The following SLC4A10 variants were observed in gnomAD, a reference collection of about 807,000 sequenced individuals.
The protein encoded by SLC4A10 is solute carrier family 4 member 10, also known as sodium-driven chloride bicarbonate exchanger.
Under a neutral mutation model 137.7 loss-of-function variants are expected in SLC4A10, and 42 were observed. That is an observed-to-expected ratio of 0.30 (90% confidence interval 0.24 to 0.39). The LOEUF (loss-of-function observed/expected upper bound fraction) is 0.39, where lower values mean the gene tolerates loss of function less well. SLC4A10 is among the 10% of genes least tolerant of loss of function. The pLI, the probability that SLC4A10 is intolerant of heterozygous loss-of-function variation, is 1.00. For missense variants in SLC4A10, 925 were observed against 1,355.0 expected (o/e 0.68, Z 4.98); for synonymous variants, 474 against 464.1 (o/e 1.02, Z -0.27).
chr2:161,937,971 A>T (rs990230902), intron 15 of SLC4A10, among the ~76,000 whole-genome samples: 1 of 152,004 alleles, frequency 6.6e-6, no homozygotes, highest in African/African-American at 2.4e-5. Context: ...GAAAAAAAAA[A>T]TCAAGCTTTT....
At chr2:161,830,679 C>A (rs1198334189) in intron 3 of SLC4A10, among the ~76,000 whole-genome samples, 2 of 151,958 alleles carry the variant, frequency 1.3e-5, no homozygotes, top group African/African-American at 4.8e-5. Context: ...CAAAAGTGTA[C>A]AAAATACATC....
chr2:161,750,225 A>T (rs2048824739), intron 1 of SLC4A10, among the ~76,000 whole-genome samples: 1 of 150,356 alleles, frequency 6.7e-6, no homozygotes, highest in Non-Finnish European at 1.5e-5. Flanking sequence ...TTTTTCTGTC[A>T]TTTTTGTTTT....
intron 6 of SLC4A10, 34 bp from the exon 7 acceptor site, chr2:161,872,259 A>G: frequency 6.5e-7 from 1 of 1,532,072 alleles, no homozygotes; most frequent in Non-Finnish European, 9.0e-7. Context: ...TATGTAAGTA[A>G]TTGTTTGTAT....
chr2:161,967,436 A>G (rs183318249), intron 23 of SLC4A10, among the ~76,000 whole-genome samples: 280 of 152,342 alleles, frequency 1.8e-3, no homozygotes, highest in African/African-American at 6.5e-3. Flanking sequence ...AAATTCATCA[A>G]GTATACGATA....
intron 16 of SLC4A10, among the ~76,000 whole-genome samples, chr2:161,946,364 G>A (rs1693801144): frequency 6.6e-6 from 1 of 152,036 alleles, no homozygotes; most frequent in South Asian, 2.1e-4. Flanking sequence ...AGATGACAGT[G>A]TAGCTATTTG....
chr2:161,724,573 CA>C (rs2046028198), intron 1 of SLC4A10, among the ~76,000 whole-genome samples: 2 of 151,916 alleles, frequency 1.3e-5, no homozygotes, highest in Admixed American at 1.3e-4. Flanking sequence ...GGCAATTTAC[CA>C]AATCTGGGGG....
chr2:161,749,417 T>C (rs1348198836), intron 1 of SLC4A10, among the ~76,000 whole-genome samples: 3 of 151,994 alleles, frequency 2.0e-5, no homozygotes, highest in Non-Finnish European at 2.9e-5. Context: ...TTTTCATAAA[T>C]GGCCTTTATT....
intron 2 of SLC4A10, among the ~76,000 whole-genome samples, chr2:161,776,339 G>T (rs1015203041): frequency 2.6e-5 from 4 of 151,822 alleles, no homozygotes; most frequent in East Asian, 3.9e-4. Context: ...ATTGAAACTT[G>T]CTATACAAAC....
intron 15 of SLC4A10, among the ~76,000 whole-genome samples, chr2:161,930,154 A>C (rs1690066448): frequency 6.6e-6 from 1 of 152,194 alleles, no homozygotes; most frequent in South Asian, 2.1e-4. Flanking sequence ...AAATAAGGTA[A>C]TATTAAGTAA....
At chr2:161,677,110 G>T (rs977213781) in intron 1 of SLC4A10, among the ~76,000 whole-genome samples, 2 of 152,026 alleles carry the variant, frequency 1.3e-5, no homozygotes, top group African/African-American at 4.8e-5. Flanking sequence ...TGAATGGCTT[G>T]GTAGCATTCT....
At chr2:161,938,544 C>T (rs1033331620) in intron 15 of SLC4A10, among the ~76,000 whole-genome samples, 6 of 150,568 alleles carry the variant, frequency 4.0e-5, no homozygotes, top group East Asian at 3.9e-4. Flanking sequence ...AATCTATTAT[C>T]GATAATAATA....
At chr2:161,941,237 A>AG (rs1692627815) in intron 15 of SLC4A10, among the ~76,000 whole-genome samples, 1 of 152,164 alleles carries the variant, frequency 6.6e-6, no homozygotes, top group African/African-American at 2.4e-5. Context: ...TTCTCTTTAT[A>AG]ATGTCTACTG....
At chr2:161,712,551 T>G (rs1436909640) in intron 1 of SLC4A10, among the ~76,000 whole-genome samples, 1 of 151,878 alleles carries the variant, frequency 6.6e-6, no homozygotes, top group Non-Finnish European at 1.5e-5. Flanking sequence ...GGCATTTTTA[T>G]TCTAGATGAA....
chr2:161,761,374 T>G (rs1277398357), intron 1 of SLC4A10, among the ~76,000 whole-genome samples: 1 of 151,968 alleles, frequency 6.6e-6, no homozygotes, highest in Admixed American at 6.6e-5. Context: ...GATGGAGCCT[T>G]GTGATAAGGC....
chr2:161,767,076 T>C (rs992904829), intron 1 of SLC4A10, among the ~76,000 whole-genome samples: 3 of 126,710 alleles, frequency 2.4e-5, no homozygotes, highest in South Asian at 5.3e-4. Context: ...ATCAAGGTTA[T>C]GTTAAAGAAT....
In SLC4A10 at chr2:161,651,534, C is replaced by T. The variant is rs2036792589; in HGVS notation, c.48+26968C>T. Among the ~76,000 whole-genome samples, 3 of 152,350 alleles carry T rather than the reference C, an allele frequency of 2.0e-5. No homozygotes were observed. The South Asian group carries it at 6.2e-4, about 32-fold the overall frequency. ...CTTCAGCCCTTCAGGGAGCCCAGAC[C>T]TATGACCTCCCTGAGTCAGGGCTGT... On this transcript the variant is annotated intron_variant, in intron 1 of 26. Coordinates refer to ENST00000446997, the MANE Select transcript of SLC4A10 (RefSeq NM_001178015.2).
intron 2 of SLC4A10, among the ~76,000 whole-genome samples, chr2:161,773,140 G>A (rs748588230): frequency 2.0e-5 from 3 of 151,998 alleles, no homozygotes; most frequent in Admixed American, 6.6e-5. Flanking sequence ...GGAAGTCCAC[G>A]ATTGGGAGGT....
At chr2:161,798,404 GAATA>G (rs768619213) in intron 2 of SLC4A10, among the ~76,000 whole-genome samples, 109 of 151,842 alleles carry the variant, frequency 7.2e-4, no homozygotes, top group Admixed American at 1.2e-3. Flanking sequence ...GCTAAATAAA[GAATA>G]GTTTATTAAT....
Position 161,913,428 on chromosome 2 carries a change from C to A in SLC4A10, c.1997+7541C>A, listed in dbSNP as rs572478306. 1.4e-4 allele frequency among the ~76,000 whole-genome samples: 21 copies of A among 152,260 alleles called. No individual in the cohort carries two copies. In the East Asian group the frequency reaches 4.0e-3, roughly 29 times the overall value. On this transcript the variant is annotated intron_variant, in intron 15 of 26. Coordinates refer to ENST00000446997, the MANE Select transcript of SLC4A10 (RefSeq NM_001178015.2). ...AAAAATATAATAAATAATAAAGCCA[C>A]TTGACAGAATAGACAGAAATACAAT...
Sources: gnomAD v4.1 joint callset for allele counts (sites outside exome capture counted in the v4.1 genomes callset) on GRCh38, gnomAD v4.1.1 for gene constraint, MANE v1.5 for transcripts, NCBI Gene and HGNC (gene_info 2026-07-23, HGNC 2026-07-21) for gene names.